Variants in PCDH15 observed in about 807,000 individuals in gnomAD.
PCDH15 encodes protocadherin related 15.
PCDH15 carries 129 observed loss-of-function variants against 178.5 expected under a neutral mutation model. The ratio of observed to expected loss-of-function variants is 0.72; its 90% CI spans 0.63 to 0.84. The LOEUF (loss-of-function observed/expected upper bound fraction) is 0.84. Ranked by LOEUF, PCDH15 falls within the 40% of genes least tolerant of loss-of-function variation. PCDH15 has a pLI of 0.00. For missense variants in PCDH15, 2,230 were observed against 2,099.9 expected (o/e 1.06, Z -1.21); for synonymous variants, 800 against 732.0 (o/e 1.09, Z -1.50).
At chr10:54,604,213 G>A (rs1353472769) in intron 2 of PCDH15, among the ~76,000 whole-genome samples, 1 of 151,930 alleles carries the variant, frequency 6.6e-6, no homozygotes, top group East Asian at 1.9e-4. Flanking sequence ...CTATTGTGAA[G>A]AGTGTTCCAT....
chr10:54,774,060 G>A (rs1166715310), intron 1 of PCDH15, among the ~76,000 whole-genome samples: 52 of 110,552 alleles, frequency 4.7e-4, no homozygotes, highest in Non-Finnish European at 5.1e-4. Flanking sequence ...ACGGAGTCTC[G>A]CTCTGTCTCC....
chr10:54,515,495 G>A (rs1006406335), intron 3 of PCDH15, among the ~76,000 whole-genome samples: 3 of 152,234 alleles, frequency 2.0e-5, no homozygotes, highest in African/African-American at 7.2e-5. Context: ...ACTGGAACTC[G>A]GTGGAGCCCA....
chr10:53,815,832 C>T (rs1032600080), intron 35 of PCDH15, among the ~76,000 whole-genome samples: 1 of 152,070 alleles, frequency 6.6e-6, no homozygotes, highest in Non-Finnish European at 1.5e-5. Flanking sequence ...TTTTGAATCA[C>T]ATAAAATGAT....
At chr10:55,294,070 T>C (rs377606354) in intron 1 of PCDH15, among the ~76,000 whole-genome samples, 1 of 152,096 alleles carries the variant, frequency 6.6e-6, no homozygotes, top group Non-Finnish European at 1.5e-5. Flanking sequence ...GGAGGTCTCA[T>C]AGTCATGGCA....
intron 2 of PCDH15, among the ~76,000 whole-genome samples, chr10:55,147,047 T>A (rs928589820): frequency 6.6e-6 from 1 of 151,812 alleles, no homozygotes; most frequent in East Asian, 1.9e-4. Context: ...CAATTACCAA[T>A]TGAGCAATTT....
chr10:54,022,765 C>T, intron 19 of PCDH15, 127 bp downstream of exon 19: 1 of 926,128 alleles, frequency 1.1e-6, no homozygotes, highest in South Asian at 1.4e-5. Flanking sequence ...AAAATTTATT[C>T]ATTGTTTATC....
At chr10:55,018,915 G>A (rs2131952002) in intron 2 of PCDH15, among the ~76,000 whole-genome samples, 1 of 151,828 alleles carries the variant, frequency 6.6e-6, no homozygotes, top group South Asian at 2.1e-4. Flanking sequence ...TATAATACAT[G>A]GCATAATTTA....
upstream of PCDH15, among the ~76,000 whole-genome samples, chr10:54,804,148 T>C (rs1416346986): frequency 6.6e-6 from 1 of 152,098 alleles, no homozygotes; most frequent in Admixed American, 6.5e-5. Flanking sequence ...CACGCCATTC[T>C]CCTGCCTCAG....
chr10:54,452,897 A>G (rs754159725), intron 3 of PCDH15, among the ~76,000 whole-genome samples: 3 of 152,098 alleles, frequency 2.0e-5, no homozygotes, highest in African/African-American at 7.2e-5. Flanking sequence ...AGTTCTGTCC[A>G]CTGTCAAAAT....
intron 25 of PCDH15, among the ~76,000 whole-genome samples, chr10:53,906,172 G>A (rs2082668063): frequency 6.6e-6 from 1 of 151,664 alleles, no homozygotes; most frequent in Non-Finnish European, 1.5e-5. Context: ...TGAAAAAGGT[G>A]TTTTCATTAA....
At position 53,855,924 on chromosome 10, in the gene PCDH15, A is replaced by ATG. The variant is rs1235176379; in HGVS notation, c.3806+1249_3806+1250dup. 4.2e-4 allele frequency among the ~76,000 whole-genome samples: 59 copies of ATG among 140,948 alleles called. 3 individuals are homozygous for ATG. Among genetic ancestry groups the ATG allele is most frequent in the African/African-American group, 8.6e-4 (33 of 38,296 alleles). The allele number at this position is 140,948 out of a possible 152,430, so 92.5% of individuals were successfully genotyped here. A position where few individuals can be genotyped will look rare whatever the true frequency, so the allele number is the denominator to read the frequency against. ...GATATGTATATATATATATATATGT[A>ATG]TGTGTGTGTGTGTAATGAAATAGTA... On this transcript the variant is annotated intron_variant, in intron 28 of 37. Transcript: ENST00000644397.
At chr10:54,049,268 A>G (rs1163764779) in intron 18 of PCDH15, among the ~76,000 whole-genome samples, 1 of 152,056 alleles carries the variant, frequency 6.6e-6, no homozygotes, top group Non-Finnish European at 1.5e-5. Flanking sequence ...TAGCCTTTTA[A>G]TGGAGTCTTT....
chr10:54,851,732 G>A (rs1321962967), intron 3 of PCDH15, among the ~76,000 whole-genome samples: 2 of 152,040 alleles, frequency 1.3e-5, no homozygotes, highest in East Asian at 3.9e-4. Flanking sequence ...ACTACGCCTG[G>A]CTAATATTTG....
rs192391256 is a variant in PCDH15, at chr10:54,590,121, A to T, written c.92-62244T>A. Reference sequence around the variant, plus strand: ...TCTCCAGATTAAAGTGTTATTAAGGATTAATTTAATGTTATTTTATTCCAT... The same window carrying T: ...TCTCCAGATTAAAGTGTTATTAAGGTTTAATTTAATGTTATTTTATTCCAT... On this transcript the variant is annotated intron_variant, in intron 2 of 37. Transcript: ENST00000644397. 2.5e-4 allele frequency among the ~76,000 whole-genome samples: 38 copies of T among 151,464 alleles called. No homozygotes were observed. The East Asian group carries it at 6.4e-3, about 25-fold the overall frequency.
intron 3 of PCDH15, among the ~76,000 whole-genome samples, chr10:54,389,677 G>A (rs1162472500): frequency 2.6e-5 from 4 of 151,756 alleles, no homozygotes; most frequent in Non-Finnish European, 4.4e-5. Flanking sequence ...GGTGGCTCAC[G>A]CCTGTAATCC....
At chr10:55,238,145 CT>C (rs758000610) in intron 1 of PCDH15, among the ~76,000 whole-genome samples, 9,073 of 124,280 alleles carry the variant, frequency 0.073, 99 homozygotes, top group Non-Finnish European at 0.087. Flanking sequence ...TTCATATTTT[CT>C]TTTTTTTTTT....
intron 25 of PCDH15, among the ~76,000 whole-genome samples, chr10:53,913,505 A>T (rs535423139): frequency 6.6e-6 from 1 of 151,844 alleles, no homozygotes; most frequent in South Asian, 2.1e-4. Context: ...AGGCTGAGGC[A>T]GGCGAATCAC....
At chr10:54,848,312 G>A (rs1469399515) in intron 3 of PCDH15, among the ~76,000 whole-genome samples, 1 of 150,466 alleles carries the variant, frequency 6.6e-6, no homozygotes, top group Non-Finnish European at 1.5e-5. Flanking sequence ...AACCTGGAAG[G>A]CAGAAGTTGC....
intron 2 of PCDH15, among the ~76,000 whole-genome samples, chr10:55,403,202 C>T (rs899281636): frequency 1.3e-5 from 2 of 151,528 alleles, no homozygotes; most frequent in Admixed American, 6.6e-5. Flanking sequence ...TATTTGTGGG[C>T]TTTTTTATTT....
Sources: gnomAD v4.1 joint callset for allele counts (sites outside exome capture counted in the v4.1 genomes callset) on GRCh38, gnomAD v4.1.1 for gene constraint, MANE v1.5 for transcripts, NCBI Gene and HGNC (gene_info 2026-07-23, HGNC 2026-07-21) for gene names.